Variants in ARMC3 observed in about 807,000 individuals in gnomAD.
ARMC3 encodes armadillo repeat containing 3.
Under a neutral mutation model 90.3 loss-of-function variants are expected in ARMC3, and 74 were observed. The observed-to-expected ratio is 0.82, with a 90% CI of 0.68 to 0.99. The LOEUF (loss-of-function observed/expected upper bound fraction) is 0.99. ARMC3 is among the 50% of genes least tolerant of loss of function. The pLI, the probability that ARMC3 is intolerant of heterozygous loss-of-function variation, is 0.00. For synonymous variants in ARMC3, 334 were observed against 361.8 expected (o/e 0.92, Z 0.87); for missense variants, 958 against 1,042.8 (o/e 0.92, Z 1.12).
At chr10:23,008,156 G>A (rs1310480558) in intron 14 of ARMC3, 120 bp from the exon 15 acceptor site, 2 of 539,734 alleles carry the variant, frequency 3.7e-6, no homozygotes, top group Non-Finnish European at 6.5e-6. Flanking sequence ...AAAACAGTAT[G>A]TCACTGTTAA....
At chr10:22,944,938 G>T (rs1834467276) in intron 2 of ARMC3, among the ~76,000 whole-genome samples, 1 of 152,156 alleles carries the variant, frequency 6.6e-6, no homozygotes, top group African/African-American at 2.4e-5. Flanking sequence ...CTCTAAAAGG[G>T]TCTACGAGCT....
chr10:22,951,210 T>C (rs1300611069), intron 3 of ARMC3, among the ~76,000 whole-genome samples: 2 of 152,218 alleles, frequency 1.3e-5, no homozygotes, highest in South Asian at 4.1e-4. Context: ...GTGCTGGGAT[T>C]ACAGGCATGA....
At chr10:23,003,216 G>A in intron 12 of ARMC3, 30 bp from the exon 13 acceptor site, 1 of 1,596,832 alleles carries the variant, frequency 6.3e-7, no homozygotes, top group Non-Finnish European at 8.5e-7. Flanking sequence ...CTTGTATAAA[G>A]CAAATAATGC....
At chr10:22,977,065 T>C (rs1265128097) in intron 8 of ARMC3, among the ~76,000 whole-genome samples, 1 of 152,216 alleles carries the variant, frequency 6.6e-6, no homozygotes, top group Non-Finnish European at 1.5e-5. Context: ...TGTTCGACCA[T>C]AATTTTATAC....
At chr10:22,963,393 G>T (rs1835287701) in intron 7 of ARMC3, among the ~76,000 whole-genome samples, 3 of 151,986 alleles carry the variant, frequency 2.0e-5, no homozygotes, top group Admixed American at 6.6e-5. Context: ...TTAAGAACTG[G>T]TATGTATATA....
At chr10:23,010,655 T>C (rs1479169424) in intron 16 of ARMC3, among the ~76,000 whole-genome samples, 4 of 98,326 alleles carry the variant, frequency 4.1e-5, no homozygotes, top group Non-Finnish European at 8.1e-5. Flanking sequence ...CCCTTTCCTC[T>C]CCTCTCCTCT....
chr10:23,008,500 A>G (rs11013234), intron 15 of ARMC3, 126 bp downstream of exon 15: 123,211 of 655,214 alleles, frequency 0.19, 12,797 homozygotes, highest in African/African-American at 0.34. Context: ...CAATTGCATA[A>G]TTGCCTTTTA....
intron 7 of ARMC3, among the ~76,000 whole-genome samples, chr10:22,967,251 C>T (rs1333323045): frequency 5.9e-5 from 9 of 152,082 alleles, no homozygotes; most frequent in Non-Finnish European, 8.8e-5. Flanking sequence ...CTGTTTTAAA[C>T]ATTAATCTCA....
chr10:22,937,348 T>C (rs773430836), intron 2 of ARMC3, among the ~76,000 whole-genome samples: 1 of 152,218 alleles, frequency 6.6e-6, no homozygotes, highest in Non-Finnish European at 1.5e-5. Context: ...GATCATGACA[T>C]ACCCATCCTT....
rs777075519 is a variant in ARMC3, at chr10:23,037,423, C to A, written c.2563C>A (p.Pro855Thr). ...EMYVIDLMFH[P>T]GGLMKLRSRE... ...GTACGTGATTGACCTCATGTTCCAT[C>A]CAGGTGGACTGATGAAGTTGAGAAG... Residue 855 changes from proline to threonine, a missense_variant, in exon 19 of 19, where the codon CCA becomes ACA. Pro to Thr is a conservative substitution (Grantham distance 38, BLOSUM62 -1). Transcript: ENST00000298032. 9.9e-6 allele frequency: 16 copies of A among 1,614,068 alleles called. No individual in the cohort carries two copies. The South Asian group carries it at 1.8e-4, about 18-fold the overall frequency.
chr10:23,037,760 G>A lies in ARMC3; in HGVS notation c.*281G>A, dbSNP rs1839173772. 1 of 290,250 alleles carries A rather than the reference G, an allele frequency of 3.4e-6. No individual in the cohort carries two copies. The highest frequency in any genetic ancestry group is 2.1e-5 in the African/African-American group (1 of 46,864). The allele number at this position is 290,250 out of a possible 1,614,324, so 18.0% of individuals were successfully genotyped here. A position where few individuals can be genotyped will look rare whatever the true frequency, so the allele number is the denominator to read the frequency against. On this transcript the variant is annotated 3_prime_UTR_variant, in exon 19 of 19. Transcript: ENST00000298032. ...TTCATCCAGCCCACTGTGTCCTGAGGAGCGTCTCTGTCATTTAGGAATCAC... is the reference window on the plus strand; with the variant it reads ...TTCATCCAGCCCACTGTGTCCTGAGAAGCGTCTCTGTCATTTAGGAATCAC...
At chr10:23,017,454 C>T (rs530673986) in intron 16 of ARMC3, among the ~76,000 whole-genome samples, 159 of 152,246 alleles carry the variant, frequency 1.0e-3, no homozygotes, top group Admixed American at 3.4e-3. Context: ...AACAGATGCT[C>T]AATATGCATG....
chr10:22,981,474 GA>G lies in ARMC3; in HGVS notation c.1052del (p.Asp351ValfsTer11). 6.2e-7 allele frequency: 1 copy of G among 1,613,802 alleles called. No individual in the cohort carries two copies. The highest frequency in any genetic ancestry group is 2.2e-5 in the East Asian group (1 of 44,878). ...SAMCENSGSK[D>X]FFNNQGIPQL... ...AATGTGTGAGAATTCAGGCAGCAAA[GA>G]TTTTTTCAATAATCAGGGTAAGTCA... is the stretch of plus-strand genomic sequence containing the variant. On this transcript the variant is annotated frameshift_variant, in exon 9 of 19. Transcript: ENST00000298032. LOFTEE classifies it high-confidence loss of function.
intron 16 of ARMC3, among the ~76,000 whole-genome samples, chr10:23,026,199 AT>A (rs1272690598): frequency 6.6e-6 from 1 of 152,112 alleles, no homozygotes; most frequent in African/African-American, 2.4e-5. Flanking sequence ...AAATAGGAAA[AT>A]AGAGGATACT....
At chr10:22,929,743 G>GT (rs1343379667) in intron 1 of ARMC3, among the ~76,000 whole-genome samples, 1 of 152,182 alleles carries the variant, frequency 6.6e-6, no homozygotes, top group Non-Finnish European at 1.5e-5. Flanking sequence ...TAGAGACAGA[G>GT]TTTTGCCATG....
At chr10:22,994,837 A>G (rs1230675755) in intron 10 of ARMC3, among the ~76,000 whole-genome samples, 1 of 152,244 alleles carries the variant, frequency 6.6e-6, no homozygotes, top group African/African-American at 2.4e-5. Context: ...TTGACGTCAC[A>G]TGACATGTCA....
In ARMC3 at chr10:22,968,628, A is replaced by C. The variant is rs145757812; in HGVS notation, c.916+139A>C. 490 of 732,954 alleles carry C rather than the reference A, an allele frequency of 6.7e-4. 2 individuals carry two copies. The Middle Eastern group carries it at 0.01, about 16-fold the overall frequency. The allele number at this position is 732,954 out of a possible 1,614,324, so 45.4% of individuals were successfully genotyped here. A position where few individuals can be genotyped will look rare whatever the true frequency, so the allele number is the denominator to read the frequency against. On this transcript the variant is annotated intron_variant, in intron 8 of 18. Coordinates refer to ENST00000298032, the MANE Select transcript of ARMC3 (RefSeq NM_173081.5). ...GTGATTCTCCCACCTCAGCCTTCCT[A>C]GTAGCTGGGACTACAGGCATGCACC... is the stretch of plus-strand genomic sequence containing the variant.
intron 10 of ARMC3, among the ~76,000 whole-genome samples, chr10:22,990,719 T>A (rs1836670089): frequency 6.6e-6 from 1 of 152,190 alleles, no homozygotes; most frequent in Non-Finnish European, 1.5e-5. Context: ...CCTCTTACTC[T>A]CCACCCCGGC....
At chr10:22,964,686 C>G (rs1835371670) in intron 7 of ARMC3, among the ~76,000 whole-genome samples, 1 of 151,728 alleles carries the variant, frequency 6.6e-6, no homozygotes, top group Non-Finnish European at 1.5e-5. Context: ...GGTGATCCTC[C>G]TGCCTTGGCT....
Sources: allele counts gnomAD v4.1 joint callset (sites outside exome capture counted in the v4.1 genomes callset), GRCh38; gene constraint gnomAD v4.1.1; transcripts MANE v1.5; gene names NCBI Gene and HGNC (gene_info 2026-07-23, HGNC 2026-07-21).